The following BMPR1B variants were observed in gnomAD, a reference collection of about 807,000 sequenced individuals.
BMPR1B encodes the protein bone morphogenetic protein receptor type-1B.
BMPR1B carries 12 observed loss-of-function variants against 59.1 expected under a neutral mutation model. That is an observed-to-expected ratio of 0.20 (90% CI 0.13 to 0.33). BMPR1B has a LOEUF of 0.33. Ranked by LOEUF, BMPR1B falls within the 10% of genes least tolerant of loss-of-function variation. The probability of loss-of-function intolerance (pLI) is 1.00; values close to 1 mark genes in which losing one functional copy is unlikely to be tolerated. For synonymous variants in BMPR1B, 237 were observed against 207.3 expected, an observed-to-expected ratio of 1.14 and a Z score of -1.23; for missense variants, 550 against 610.9, an observed-to-expected ratio of 0.90 and a Z score of 1.05.
chr4:95,071,632 T>TTG lies in BMPR1B; in HGVS notation c.-17-32756_-17-32755dup, dbSNP rs71912877. 2.2e-3 allele frequency among the ~76,000 whole-genome samples: 264 copies of TTG among 118,194 alleles called. 3 individuals carry two copies. Among genetic ancestry groups the TTG allele is most frequent in the South Asian group, 6.6e-3 (25 of 3,772 alleles). The allele number at this position is 118,194 out of a possible 152,430, so 77.5% of individuals were successfully genotyped here. Reference sequence around the variant, plus strand: ...ATAGATTATGAATATATATGTGTGTTTGTGTGTGTGTGTGTGTGTGTATAT... The same window carrying TTG: ...ATAGATTATGAATATATATGTGTGTTTGTGTGTGTGTGTGTGTGTGTGTATAT... On this transcript the variant is annotated intron_variant, in intron 3 of 12. Coordinates refer to ENST00000515059, the MANE Select transcript of BMPR1B (RefSeq NM_001203.3).
intron 2 of BMPR1B, among the ~76,000 whole-genome samples, chr4:94,916,895 G>C (rs1464097855): frequency 6.6e-6 from 1 of 152,198 alleles, no homozygotes; most frequent in Non-Finnish European, 1.5e-5. Context: ...TGGTTTCGTG[G>C]GACAGGCCCA....
chr4:94,866,115 G>A (rs1291302134), intron 1 of BMPR1B, among the ~76,000 whole-genome samples: 2 of 152,176 alleles, frequency 1.3e-5, no homozygotes, highest in Non-Finnish European at 2.9e-5. Flanking sequence ...GGTGCTGATT[G>A]TTGCTGAGTA....
chr4:94,959,038 G>C (rs991066601), intron 2 of BMPR1B, among the ~76,000 whole-genome samples: 2 of 152,220 alleles, frequency 1.3e-5, no homozygotes, highest in Admixed American at 6.5e-5. Flanking sequence ...GTCTTGAGAA[G>C]GTAGGTGTCA....
chr4:95,009,298 C>A (rs1012602142), intron 3 of BMPR1B, among the ~76,000 whole-genome samples: 1 of 151,934 alleles, frequency 6.6e-6, no homozygotes, highest in South Asian at 2.1e-4. Flanking sequence ...GCTTGTATGC[C>A]TCAGGAAATA....
chr4:95,063,128 CAAAAT>C (rs1277366595), intron 3 of BMPR1B, among the ~76,000 whole-genome samples: 3 of 151,706 alleles, frequency 2.0e-5, no homozygotes, highest in Non-Finnish European at 4.4e-5. Flanking sequence ...TTATTATCCT[CAAAAT>C]AATAAAAAAA....
intron 3 of BMPR1B, among the ~76,000 whole-genome samples, chr4:95,010,145 A>G (rs7681859): frequency 0.24 from 36,236 of 152,054 alleles, 5,423 homozygotes; most frequent in African/African-American, 0.43. Context: ...TAGAAGACAT[A>G]GGAGGGGCCC....
At chr4:94,978,153 AT>A (rs1057116483) in intron 2 of BMPR1B, among the ~76,000 whole-genome samples, 3 of 152,054 alleles carry the variant, frequency 2.0e-5, no homozygotes, top group Middle Eastern at 3.4e-3. Context: ...TGTTTTGAGT[AT>A]TTTTTTTATT....
chr4:94,874,776 G>A (rs142049098), intron 1 of BMPR1B, among the ~76,000 whole-genome samples: 4,525 of 152,116 alleles, frequency 0.03, 139 homozygotes, highest in African/African-American at 0.073. Context: ...TAGATCACTT[G>A]AGGTCAGGAG....
Position 95,064,947 on chromosome 4 carries a change from T to A in BMPR1B, c.-17-39461T>A, listed in dbSNP as rs557018423. Among the ~76,000 whole-genome samples, 275 of 152,318 alleles carry A rather than the reference T, an allele frequency of 1.8e-3. 1 individual carries two copies. The highest frequency in any genetic ancestry group is 6.4e-3 in the African/African-American group (268 of 41,564). On this transcript the variant is annotated intron_variant, in intron 3 of 12. Transcript: ENST00000515059. ...TGGGAATATAAAATGGTACCACCAC[T>A]TTGGTAAACAGTCTGGCAGTTTCTC...
chr4:94,915,867 G>T (rs1728463800), intron 2 of BMPR1B, among the ~76,000 whole-genome samples: 1 of 152,176 alleles, frequency 6.6e-6, no homozygotes, highest in East Asian at 1.9e-4. Flanking sequence ...TTTCAGTTAT[G>T]GGGTCAGATC....
intron 3 of BMPR1B, among the ~76,000 whole-genome samples, chr4:95,099,585 C>G (rs1414026340): frequency 6.6e-6 from 1 of 152,174 alleles, no homozygotes; most frequent in Non-Finnish European, 1.5e-5. Flanking sequence ...CTATACATCT[C>G]TCTCTGTTTC....
intron 1 of BMPR1B, among the ~76,000 whole-genome samples, chr4:94,807,462 C>T (rs1389676376): frequency 6.6e-6 from 1 of 151,976 alleles, no homozygotes; most frequent in Non-Finnish European, 1.5e-5. Context: ...GGTGAATGTA[C>T]TTTTTGTTGT....
chr4:95,066,668 C>G (rs1727829034), intron 3 of BMPR1B, among the ~76,000 whole-genome samples: 1 of 152,172 alleles, frequency 6.6e-6, no homozygotes, highest in African/African-American at 2.4e-5. Context: ...CTAGATAATA[C>G]TTTTCAAATT....
At chr4:94,765,152 G>T (rs1721921434) in intron 1 of BMPR1B, among the ~76,000 whole-genome samples, 1 of 151,936 alleles carries the variant, frequency 6.6e-6, no homozygotes, top group Admixed American at 6.6e-5. Flanking sequence ...AATCTTGGCA[G>T]GAAAATTAGA....
intron 10 of BMPR1B, among the ~76,000 whole-genome samples, chr4:95,146,134 A>T (rs551078165): frequency 6.4e-4 from 98 of 152,298 alleles, no homozygotes; most frequent in Admixed American, 2.2e-3. Context: ...TGGAAAACAG[A>T]TTACTTACTC....
intron 3 of BMPR1B, among the ~76,000 whole-genome samples, chr4:95,088,151 C>T (rs1729728583): frequency 6.6e-6 from 1 of 152,126 alleles, no homozygotes; most frequent in African/African-American, 2.4e-5. Flanking sequence ...TTCTTGCAAT[C>T]TATTTAATTG....
At chr4:94,875,650 C>G (rs1257219928) in intron 1 of BMPR1B, among the ~76,000 whole-genome samples, 181 bp from the exon 2 acceptor site, 6 of 152,178 alleles carry the variant, frequency 3.9e-5, no homozygotes, top group Non-Finnish European at 8.8e-5. Context: ...CGCCGCTGCA[C>G]TCCAGCCTGG....
chr4:95,154,090 T>G (rs1184365749), intron 12 of BMPR1B, among the ~76,000 whole-genome samples: 1 of 152,222 alleles, frequency 6.6e-6, no homozygotes. Context: ...GAGAAAGTTT[T>G]AGTGATGCTG....
chr4:94,909,631 TCTC>T (rs1728199175), intron 2 of BMPR1B, among the ~76,000 whole-genome samples: 1 of 152,164 alleles, frequency 6.6e-6, no homozygotes, highest in South Asian at 2.1e-4. Flanking sequence ...GATAAAACTT[TCTC>T]CTATTTCATC....
Sources: gnomAD v4.1 joint callset for allele counts (sites outside exome capture counted in the v4.1 genomes callset) on GRCh38, gnomAD v4.1.1 for gene constraint, MANE v1.5 for transcripts, NCBI Gene and HGNC (gene_info 2026-07-23, HGNC 2026-07-21) for gene names.